GRB2: variants seen among roughly 807,000 people sequenced by gnomAD.
GRB2 encodes growth factor receptor-bound protein 2.
Under a neutral mutation model 27.4 loss-of-function variants are expected in GRB2, and 2 were observed. The observed-to-expected ratio is 0.07, with a 90% confidence interval of 0.03 to 0.23. GRB2 has a LOEUF of 0.23. GRB2 is among the 10% of genes least tolerant of loss of function. The pLI is 1.00. For missense variants in GRB2, 102 were observed against 282.4 expected, an observed-to-expected ratio of 0.36 and a Z score of 4.58; for synonymous variants, 94 against 99.6, an observed-to-expected ratio of 0.94 and a Z score of 0.33.
intron 3 of GRB2, among the ~76,000 whole-genome samples, chr17:75,327,811 G>C (rs549876261): frequency 3.9e-5 from 6 of 152,188 alleles, no homozygotes; most frequent in African/African-American, 7.2e-5. Flanking sequence ...CCTTGTGTGT[G>C]TGTGTCAGCC....
chr17:75,371,435 GT>G (rs2078856078), intron 2 of GRB2: 1 of 152,178 alleles, frequency 6.6e-6, no homozygotes, highest in Non-Finnish European at 1.5e-5. Context: ...TATAGACTCA[GT>G]TCACACTGAG....
At chr17:75,334,855 C>CTT (rs10545922) in intron 2 of GRB2, among the ~76,000 whole-genome samples, 1 of 143,688 alleles carries the variant, frequency 7.0e-6, no homozygotes, top group African/African-American at 2.6e-5. Flanking sequence ...CTCAAAATAT[C>CTT]TTTTTTTTTT....
chr17:75,357,757 C>T (rs1241213052), intron 2 of GRB2, among the ~76,000 whole-genome samples: 4 of 152,114 alleles, frequency 2.6e-5, no homozygotes, highest in African/African-American at 9.7e-5. Flanking sequence ...TTTGTCTCTA[C>T]TAAAAATACA....
intron 2 of GRB2, chr17:75,339,059 G>A (rs887221220): frequency 2.3e-6 from 3 of 1,331,800 alleles, no homozygotes; most frequent in Non-Finnish European, 3.2e-6. Flanking sequence ...CCCAACTGCA[G>A]ATCTAAGAGA....
At chr17:75,345,344 C>T (rs145434421) in intron 2 of GRB2, among the ~76,000 whole-genome samples, 140 of 152,132 alleles carry the variant, frequency 9.2e-4, no homozygotes, top group Middle Eastern at 3.4e-3. Context: ...GCACCCCGCC[C>T]GACAACAGAG....
intron 3 of GRB2, among the ~76,000 whole-genome samples, chr17:75,328,509 G>A (rs556211963): frequency 3.4e-4 from 51 of 151,718 alleles, no homozygotes; most frequent in African/African-American, 9.0e-4. Flanking sequence ...GCGCGGTGGC[G>A]CATGCCTGTA....
intron 2 of GRB2, 33 bp downstream of exon 2, chr17:75,393,518 G>A (rs998990358): frequency 6.5e-7 from 1 of 1,550,016 alleles, no homozygotes; most frequent in Admixed American, 1.7e-5. Context: ...CAGGGAGAGC[G>A]ATCTCAGCAT....
chr17:75,335,986 G>A (rs944335094), intron 2 of GRB2, among the ~76,000 whole-genome samples: 10 of 152,204 alleles, frequency 6.6e-5, no homozygotes, highest in Admixed American at 5.9e-4. Flanking sequence ...TTTGAGGAGG[G>A]AAAGTGCGCT....
intron 2 of GRB2, among the ~76,000 whole-genome samples, chr17:75,360,125 T>TA (rs2078769860): frequency 6.6e-6 from 1 of 152,168 alleles, no homozygotes; most frequent in African/African-American, 2.4e-5. Context: ...CTAATATACT[T>TA]AAACAGTCAA....
At chr17:75,347,971 A>C (rs2078665819) in intron 2 of GRB2, among the ~76,000 whole-genome samples, 1 of 152,232 alleles carries the variant, frequency 6.6e-6, no homozygotes, top group South Asian at 2.1e-4. Flanking sequence ...TGGGGCAGAA[A>C]GTATCCAAAT....
At chr17:75,372,287 C>G (rs1205137241) in intron 2 of GRB2, 1 of 152,218 alleles carries the variant, frequency 6.6e-6, no homozygotes, top group African/African-American at 2.4e-5. Context: ...TCTGCACAGG[C>G]TGGAGGTGGA....
At chr17:75,351,569 G>A (rs1417487499) in intron 2 of GRB2, among the ~76,000 whole-genome samples, 1 of 151,996 alleles carries the variant, frequency 6.6e-6, no homozygotes, top group Non-Finnish European at 1.5e-5. Flanking sequence ...GGGAGGATCA[G>A]TTGAGCCTGG....
chr17:75,326,247 T>C (rs192439019), intron 3 of GRB2: 1 of 549,524 alleles, frequency 1.8e-6, no homozygotes, highest in East Asian at 3.2e-5. Flanking sequence ...ACCAAGGCAC[T>C]AACCGTGGGT....
intron 4 of GRB2, among the ~76,000 whole-genome samples, chr17:75,323,115 T>C (rs2145818473): frequency 7.9e-6 from 1 of 126,554 alleles, no homozygotes; most frequent in South Asian, 2.6e-4. Context: ...TGACACTCCA[T>C]CTCATTAAAA....
chr17:75,369,835 G>A (rs1567869525), intron 2 of GRB2, among the ~76,000 whole-genome samples: 1 of 147,768 alleles, frequency 6.8e-6, no homozygotes, highest in Non-Finnish European at 1.5e-5. Flanking sequence ...ACTCCAGCCT[G>A]GGCAACAGAG....
chr17:75,356,745 T>C (rs1247515617), intron 2 of GRB2, among the ~76,000 whole-genome samples: 1 of 152,204 alleles, frequency 6.6e-6, no homozygotes, highest in Non-Finnish European at 1.5e-5. Context: ...CTCATCTGAC[T>C]TGGCCTATAA....
chr17:75,370,098 C>A (rs1272890840), intron 2 of GRB2, among the ~76,000 whole-genome samples: 3 of 152,140 alleles, frequency 2.0e-5, no homozygotes, highest in African/African-American at 7.2e-5. Flanking sequence ...AAAGCCAGGG[C>A]CCATGAGAAA....
intron 2 of GRB2, among the ~76,000 whole-genome samples, chr17:75,385,047 A>AGC (rs1567874254): frequency 5.1e-4 from 43 of 84,530 alleles, no homozygotes; most frequent in Non-Finnish European, 1.3e-3. Flanking sequence ...AAAAAAAAAA[A>AGC]AAAAAAAAAA....
intron 1 of GRB2, 157 bp from the exon 2 acceptor site, chr17:75,393,922 T>G: frequency 1.5e-5 from 7 of 459,324 alleles, no homozygotes; most frequent in South Asian, 9.0e-5. Context: ...CGCCGACTTC[T>G]TCCTCTTTTC....
Sources: allele counts gnomAD v4.1 joint callset (sites outside exome capture counted in the v4.1 genomes callset), GRCh38; gene constraint gnomAD v4.1.1; transcripts MANE v1.5; gene names NCBI Gene and HGNC (gene_info 2026-07-23, HGNC 2026-07-21).